Variants in LRBA observed in about 807,000 individuals in gnomAD.
The protein encoded by LRBA is lipopolysaccharide-responsive and beige-like anchor protein.
Under a neutral mutation model 330.0 loss-of-function variants are expected in LRBA, and 176 were observed. That is an observed-to-expected ratio of 0.53 (90% CI 0.47 to 0.60). The LOEUF is 0.60. LRBA is among the 20% of genes least tolerant of loss of function. LRBA has a pLI of 0.00. For synonymous variants in LRBA, 1,230 were observed against 1,193.0 expected, an observed-to-expected ratio of 1.03 and a Z score of -0.64; for missense variants, 3,259 against 3,444.8, an observed-to-expected ratio of 0.95 and a Z score of 1.35.
At chr4:150,635,625 A>G (rs1321302098) in intron 37 of LRBA, among the ~76,000 whole-genome samples, 2 of 152,222 alleles carry the variant, frequency 1.3e-5, no homozygotes, top group South Asian at 2.1e-4. Flanking sequence ...AAATGTTTCA[A>G]ATTTGTAGAA....
chr4:150,538,780 C>T (rs1764971227), intron 40 of LRBA, among the ~76,000 whole-genome samples: 1 of 149,136 alleles, frequency 6.7e-6, no homozygotes, highest in Non-Finnish European at 1.5e-5. Flanking sequence ...CATGTCACTG[C>T]ACTCTAGCCG....
At chr4:150,393,024 G>A (rs1346121982) in intron 47 of LRBA, among the ~76,000 whole-genome samples, 1 of 151,826 alleles carries the variant, frequency 6.6e-6, no homozygotes, top group Admixed American at 6.6e-5. Context: ...AAAAAAAAAG[G>A]GGGGAGAATA....
At chr4:150,305,710 A>G (rs1214809132) in intron 52 of LRBA, among the ~76,000 whole-genome samples, 1 of 152,254 alleles carries the variant, frequency 6.6e-6, no homozygotes, top group Non-Finnish European at 1.5e-5. Context: ...TTACATCTAA[A>G]GGGTTTTATA....
intron 53 of LRBA, among the ~76,000 whole-genome samples, chr4:150,297,118 G>T (rs1414816958): frequency 6.9e-6 from 1 of 145,600 alleles, no homozygotes; most frequent in South Asian, 2.2e-4. Flanking sequence ...CAATCTGAGG[G>T]TATAAATCAT....
intron 40 of LRBA, among the ~76,000 whole-genome samples, chr4:150,508,243 G>C (rs1421533442): frequency 7.7e-5 from 3 of 38,846 alleles, no homozygotes; most frequent in Non-Finnish European, 1.4e-4. Flanking sequence ...AAAAAAAAGG[G>C]GGGGGGGGGG....
intron 53 of LRBA, among the ~76,000 whole-genome samples, chr4:150,301,424 G>A (rs1462695888): frequency 6.6e-6 from 1 of 151,898 alleles, no homozygotes; most frequent in East Asian, 1.9e-4. Context: ...TATTTGCATA[G>A]GAAATTATCC....
At chr4:150,552,690 A>T (rs976563725) in intron 40 of LRBA, among the ~76,000 whole-genome samples, 1 of 152,174 alleles carries the variant, frequency 6.6e-6, no homozygotes, top group African/African-American at 2.4e-5. Context: ...ATAAAGACAC[A>T]TGCACACGTA....
At chr4:150,886,092 A>T (rs1728911224) in intron 17 of LRBA, among the ~76,000 whole-genome samples, 1 of 152,206 alleles carries the variant, frequency 6.6e-6, no homozygotes, top group Non-Finnish European at 1.5e-5. Flanking sequence ...ATATTAATAA[A>T]ATTATAGGGG....
intron 50 of LRBA, among the ~76,000 whole-genome samples, chr4:150,319,402 G>A (rs978998807): frequency 5.9e-5 from 9 of 152,056 alleles, no homozygotes; most frequent in South Asian, 2.1e-4. Flanking sequence ...AAGGGTAACC[G>A]CACATAGAGT....
At chr4:150,861,740 T>A (rs1148654) in intron 22 of LRBA, among the ~76,000 whole-genome samples, 149,442 of 152,348 alleles carry the variant, frequency 0.98, 73,359 homozygotes, top group East Asian at 1. Flanking sequence ...TTTTAACTTT[T>A]TAAACATTTT....
At chr4:150,838,069 T>A (rs1468670342) in intron 28 of LRBA, among the ~76,000 whole-genome samples, 1 of 152,222 alleles carries the variant, frequency 6.6e-6, no homozygotes, top group South Asian at 2.1e-4. Flanking sequence ...TGGCTGGATA[T>A]GAAATTCTGG....
Position 150,265,217 on chromosome 4 carries a change from T to C in LRBA, c.*505A>G, listed in dbSNP as rs1745153798. ...ATAGACAGACTTAATTGAGATGTTT[T>C]AAATTACATTTACCATAATTTAAAC... On this transcript the variant is annotated 3_prime_UTR_variant, in exon 57 of 57. Transcript: ENST00000651943. 1 of 155,532 alleles carries C rather than the reference T, an allele frequency of 6.4e-6. No individual in the cohort carries two copies. The allele number at this position is 155,532 out of a possible 1,614,324, so 9.6% of individuals were successfully genotyped here.
Position 150,265,683 on chromosome 4 carries a change from GCTCAT to G in LRBA, c.*34_*38del, listed in dbSNP as rs1406911905. The G allele has an allele frequency of 2.3e-6, 3 of 1,286,562 alleles. No homozygotes were observed. The South Asian group carries it at 3.6e-5, about 15-fold the overall frequency. The allele number at this position is 1,286,562 out of a possible 1,614,324, so 79.7% of individuals were successfully genotyped here. A position where few individuals can be genotyped will look rare whatever the true frequency, so the allele number is the denominator to read the frequency against. On this transcript the variant is annotated 3_prime_UTR_variant, in exon 57 of 57. Coordinates refer to ENST00000651943, the MANE Select transcript of LRBA (RefSeq NM_001364905.1). ...AGAGAATGATGCTCCAGGTACTTCT[GCTCAT>G]CCTAGGGGCAGAGTTGATGTACAGC...
rs960587237 is a variant in LRBA at position 150,354,902 on chromosome 4, G to C, written c.7195-4743C>G. 2.6e-5 allele frequency among the ~76,000 whole-genome samples: 4 copies of C among 151,844 alleles called. No homozygotes were observed. The South Asian group carries it at 8.3e-4, about 32-fold the overall frequency. On this transcript the variant is annotated intron_variant, in intron 47 of 56. Coordinates refer to ENST00000651943, the MANE Select transcript of LRBA (RefSeq NM_001364905.1). ...TAAATTATTCATAAATAGGAGGTTT[G>C]TATAACCCTGTGTCAGAAATAATTA...
chr4:150,324,828 G>C (rs1306949329), intron 49 of LRBA, among the ~76,000 whole-genome samples: 1 of 151,998 alleles, frequency 6.6e-6, no homozygotes, highest in Non-Finnish European at 1.5e-5. Flanking sequence ...CTTTTTATGA[G>C]GGACAATTGA....
At chr4:151,012,605 T>C (rs1042734815) in intron 2 of LRBA, among the ~76,000 whole-genome samples, 1 of 152,180 alleles carries the variant, frequency 6.6e-6, no homozygotes, top group Non-Finnish European at 1.5e-5. Flanking sequence ...CCCCAAAATG[T>C]TGACAACTGT....
chr4:150,861,238 AAATACAG>A, intron 22 of LRBA, among the ~76,000 whole-genome samples: 1 of 151,566 alleles, frequency 6.6e-6, no homozygotes, highest in South Asian at 2.1e-4. Context: ...GAGTAGCTAG[AAATACAG>A]GTGCATGCCA....
At chr4:150,671,000 A>ATG (rs57937053) in intron 37 of LRBA, among the ~76,000 whole-genome samples, 23,254 of 106,328 alleles carry the variant, frequency 0.22, 2,354 homozygotes, top group Non-Finnish European at 0.25. Flanking sequence ...AACATAGCTG[A>ATG]TGTGTGTGTG....
intron 41 of LRBA, among the ~76,000 whole-genome samples, chr4:150,488,567 G>C (rs1354492951): frequency 6.6e-6 from 1 of 151,380 alleles, no homozygotes. Flanking sequence ...ATTTATGAGA[G>C]TAATCTATAA....
Sources: allele counts gnomAD v4.1 joint callset (sites outside exome capture counted in the v4.1 genomes callset), GRCh38; gene constraint gnomAD v4.1.1; transcripts MANE v1.5; gene names NCBI Gene and HGNC (gene_info 2026-07-23, HGNC 2026-07-21).